MBIP: variants seen among roughly 807,000 people sequenced by gnomAD.
MBIP encodes MAP3K12-binding inhibitory protein 1.
Under a neutral mutation model 45.7 loss-of-function variants are expected in MBIP, and 32 were observed. The ratio of observed to expected loss-of-function variants is 0.70; its 90% confidence interval spans 0.53 to 0.94. The LOEUF is 0.94. Among genes scored for constraint, MBIP ranks in the 40% least tolerant of loss-of-function variants. The pLI is 0.00. For synonymous variants in MBIP, 145 were observed against 141.0 expected, an observed-to-expected ratio of 1.03 and a Z score of -0.20; for missense variants, 381 against 405.5, an observed-to-expected ratio of 0.94 and a Z score of 0.52.
chr14:36,300,005 C>T (rs1879440274), intron 8 of MBIP, among the ~76,000 whole-genome samples: 1 of 152,090 alleles, frequency 6.6e-6, no homozygotes, highest in African/African-American at 2.4e-5. Flanking sequence ...GATGGTTGCA[C>T]AACATAGTGA....
chr14:36,298,990 T>C lies in MBIP; in HGVS notation c.*93A>G, dbSNP rs1275741495. On this transcript the variant is annotated 3_prime_UTR_variant, in exon 9 of 9. Coordinates refer to ENST00000416007, the MANE Select transcript of MBIP (RefSeq NM_016586.3). ...TAAACCTTGACTTCACAGAGAAGTC[T>C]ACATTGATAAATATATATCCGTTGA... is the stretch of plus-strand genomic sequence containing the variant. 4.5e-6 allele frequency: 4 copies of C among 886,366 alleles called. No homozygotes were observed. The highest frequency in any genetic ancestry group is 7.3e-6 in the Non-Finnish European group (4 of 551,608). 54.9% of individuals were successfully genotyped at this position (886,366 alleles called of 1,614,324 possible). A position where few individuals can be genotyped will look rare whatever the true frequency, so the allele number is the denominator to read the frequency against.
At position 36,311,598 on chromosome 14, in the gene MBIP, A is replaced by C. The variant is rs1355678043; in HGVS notation, c.765T>G (p.Ile255Met). 3 of 1,612,668 alleles carry C rather than the reference A, an allele frequency of 1.9e-6. No individual in the cohort carries two copies. The highest frequency in any genetic ancestry group is 2.5e-6 in the Non-Finnish European group (3 of 1,179,106). ...NQAVEERLQNIEAHLRLQTGG... is the reference protein window; with the variant it reads ...NQAVEERLQNMEAHLRLQTGG... ...CTGTCTGTAACCGCAAGTGGGCCTCAATATTTTGTAGTCGTTCTTCTACAG... is the reference window on the plus strand; with the variant it reads ...CTGTCTGTAACCGCAAGTGGGCCTCCATATTTTGTAGTCGTTCTTCTACAG... Residue 255 changes from isoleucine to methionine, a missense_variant, in exon 6 of 9, where the codon ATT (isoleucine) becomes ATG (methionine). By Grantham distance (10) the Ile-to-Met change is conservative. Transcript: ENST00000416007.
At chr14:36,317,914 G>GATA (rs1259166988) in intron 1 of MBIP, among the ~76,000 whole-genome samples, 12 of 151,900 alleles carry the variant, frequency 7.9e-5, no homozygotes, top group African/African-American at 2.9e-4. Flanking sequence ...CCAATAAAAA[G>GATA]ATAATATATT....
At position 36,300,802 on chromosome 14, in the gene MBIP, T is replaced by G; in HGVS notation, c.910A>C (p.Lys304Gln). The G allele has an allele frequency of 6.4e-7, 1 of 1,556,114 alleles. No individual in the cohort carries two copies. The part of the protein sequence containing the change: ...QSVSFSGKRR[K>Q]VQPPQQNYSL... ...TAACTTACTTGAGGTGGTTGAACTTTTCTTCTTTTTCCAGAAAAGCTCTAG... is the reference window on the plus strand; with the variant it reads ...TAACTTACTTGAGGTGGTTGAACTTGTCTTCTTTTTCCAGAAAAGCTCTAG... Residue 304 changes from lysine to glutamine, a missense_variant, in exon 8 of 9, where the codon AAA becomes CAA. Lys to Gln is a moderately conservative substitution (Grantham distance 53, BLOSUM62 1). Coordinates refer to ENST00000416007, the MANE Select transcript of MBIP (RefSeq NM_016586.3).
At chr14:36,314,946 T>C in intron 2 of MBIP, 31 bp from the exon 3 acceptor site, 1 of 1,423,688 alleles carries the variant, frequency 7.0e-7, no homozygotes, top group Non-Finnish European at 9.9e-7. Flanking sequence ...TCTGCTGAGG[T>C]TCAATCTGAC....
Position 36,314,572 on chromosome 14 carries a change from G to T in MBIP, c.511C>A (p.Gln171Lys), listed in dbSNP as rs199518397. The T allele has an allele frequency of 1.9e-6, 3 of 1,611,508 alleles. No individual in the cohort carries two copies. The highest frequency in any genetic ancestry group is 1.3e-5 in the African/African-American group (1 of 74,908). The change falls in exon 4 of 9, where the codon CAA (glutamine) becomes AAA (lysine). Residue 171 changes from glutamine to lysine, a missense_variant. Gln to Lys is a moderately conservative substitution (Grantham distance 53). Transcript: ENST00000416007. ...RRISAFIERK[Q>K]AEINENNVRE... ...ACGTTGTTTTCATTGATTTCAGCTTGCTTTCTTTCAATAAATGCAGATATT... is the reference window on the plus strand; with the variant it reads ...ACGTTGTTTTCATTGATTTCAGCTTTCTTTCTTTCAATAAATGCAGATATT...
intron 8 of MBIP, 56 bp from the exon 9 acceptor site, chr14:36,299,246 G>A (rs1879385871): frequency 1.8e-6 from 2 of 1,123,560 alleles, no homozygotes; most frequent in Non-Finnish European, 2.7e-6. Flanking sequence ...TCTTAATGCA[G>A]ATAAAGTGCC....
intron 7 of MBIP, among the ~76,000 whole-genome samples, chr14:36,301,254 T>C (rs573636669): frequency 6.6e-6 from 1 of 152,104 alleles, no homozygotes; most frequent in Non-Finnish European, 1.5e-5. Context: ...AAAACACACA[T>C]ACACACACCC....
intron 7 of MBIP, among the ~76,000 whole-genome samples, chr14:36,307,574 G>A (rs1350130539): frequency 6.6e-6 from 1 of 152,184 alleles, no homozygotes; most frequent in Non-Finnish European, 1.5e-5. Flanking sequence ...AACGGGGTAA[G>A]AATGAATGAA....
chr14:36,299,113 T>C lies in MBIP; in HGVS notation c.1005A>G (p.Ala335=), dbSNP rs147919885. 57 of 1,613,872 alleles carry C rather than the reference T, an allele frequency of 3.5e-5. No individual in the cohort carries two copies. The African/African-American group carries it at 6.9e-4, about 20-fold the overall frequency. The change falls in exon 9 of 9, where the codon GCA becomes GCG. Residue 335 remains alanine (A), a synonymous_variant. Coordinates refer to ENST00000416007, the MANE Select transcript of MBIP (RefSeq NM_016586.3). ...KQALLRKSRE[A]ESMATHHLP ...GAAGGTGGTGGGTTGCCATGGATTC[T>C]GCTTCTCTTGATTTTCTGAGGAGGG...
chr14:36,311,538 GTTCA>G, intron 6 of MBIP, 31 bp downstream of exon 6: 2 of 1,556,170 alleles, frequency 1.3e-6, no homozygotes, highest in Non-Finnish European at 8.7e-7. Flanking sequence ...ATTTGCAAAG[GTTCA>G]TTATGAGGTG....
chr14:36,304,674 T>C (rs943086791), intron 7 of MBIP, among the ~76,000 whole-genome samples: 7 of 152,248 alleles, frequency 4.6e-5, no homozygotes, highest in Admixed American at 2.0e-4. Context: ...TTATTAACTT[T>C]TGTCATAAAT....
Position 36,314,750 on chromosome 14 carries a change from T to C in MBIP, c.415A>G (p.Lys139Glu). 6.2e-7 allele frequency: 1 copy of C among 1,613,720 alleles called. No homozygotes were observed. The highest frequency in any genetic ancestry group is 8.5e-7 in the Non-Finnish European group (1 of 1,179,780). Residue 139 changes from lysine to glutamate, a missense_variant, in exon 3 of 9, where the codon AAA (lysine) becomes GAA (glutamate). Coordinates refer to ENST00000416007, the MANE Select transcript of MBIP (RefSeq NM_016586.3). ...GGATCAAAATGGATCTGTGTCTTTT[T>C]CACATCTCTTAAATCACTTTCTTTG... ...KHKESDLRDV[K>E]KTQIHFDPEV...
intron 2 of MBIP, among the ~76,000 whole-genome samples, 176 bp from the exon 3 acceptor site, chr14:36,315,091 C>G (rs1880488300): frequency 6.6e-6 from 1 of 151,894 alleles, no homozygotes; most frequent in African/African-American, 2.4e-5. Flanking sequence ...ACTCACTATT[C>G]TCTGCTATTG....
intron 7 of MBIP, among the ~76,000 whole-genome samples, chr14:36,304,184 T>C (rs986881331): frequency 2.6e-5 from 4 of 152,030 alleles, no homozygotes; most frequent in Non-Finnish European, 5.9e-5. Flanking sequence ...AGCATTCCCC[T>C]CCCCCGATAC....
At chr14:36,314,313 G>A (rs1345768122) in intron 4 of MBIP, 199 bp downstream of exon 4, 1 of 459,760 alleles carries the variant, frequency 2.2e-6, no homozygotes, top group Non-Finnish European at 3.8e-6. Context: ...TTTACTTTGT[G>A]TAACCAAAAT....
intron 7 of MBIP, among the ~76,000 whole-genome samples, chr14:36,302,432 C>T (rs572665858): frequency 1.4e-5 from 2 of 141,648 alleles, no homozygotes; most frequent in South Asian, 4.5e-4. Flanking sequence ...GCGGAGGTTG[C>T]AGTGAGCCGA....
chr14:36,304,680 T>A (rs934999423), intron 7 of MBIP, among the ~76,000 whole-genome samples: 1 of 152,250 alleles, frequency 6.6e-6, no homozygotes, highest in African/African-American at 2.4e-5. Context: ...ACTTTTGTCA[T>A]AAATCCTGTT....
chr14:36,316,572 A>G, intron 2 of MBIP, 121 bp downstream of exon 2: 7 of 900,662 alleles, frequency 7.8e-6, no homozygotes, highest in Non-Finnish European at 1.2e-5. Context: ...CCGGATGTAA[A>G]TAACGTTTTA....
Sources: allele counts gnomAD v4.1 joint callset (sites outside exome capture counted in the v4.1 genomes callset), GRCh38; gene constraint gnomAD v4.1.1; transcripts MANE v1.5; gene names NCBI Gene and HGNC (gene_info 2026-07-23, HGNC 2026-07-21).